DISC1: variants seen among roughly 807,000 people sequenced by gnomAD.
DISC1 encodes DISC1 scaffold protein.
DISC1 carries 57 observed loss-of-function variants against 84.5 expected under a neutral mutation model. The observed-to-expected ratio is 0.67, with a 90% CI of 0.55 to 0.84. The LOEUF (loss-of-function observed/expected upper bound fraction) is 0.84. Ranked by LOEUF, DISC1 falls within the 40% of genes least tolerant of loss-of-function variation. The pLI is 0.00. For synonymous variants in DISC1, 411 were observed against 415.2 expected (o/e 0.99, Z 0.12); for missense variants, 1,000 against 1,057.8 (o/e 0.95, Z 0.76).
At chr1:231,706,320 G>C (rs1489764921) in intron 3 of DISC1, among the ~76,000 whole-genome samples, 4 of 152,178 alleles carry the variant, frequency 2.6e-5, no homozygotes, top group Non-Finnish European at 5.9e-5. Context: ...GAGGAACTGT[G>C]GTCAGTACTG....
intron 1 of DISC1, among the ~76,000 whole-genome samples, chr1:231,651,934 G>C (rs1485739375): frequency 6.6e-6 from 1 of 152,244 alleles, no homozygotes; most frequent in South Asian, 2.1e-4. Flanking sequence ...TGTTTGCTAA[G>C]ACCATTGGAA....
intron 3 of DISC1, among the ~76,000 whole-genome samples, chr1:231,749,473 G>A (rs759512629): frequency 2.0e-5 from 3 of 152,104 alleles, no homozygotes; most frequent in Non-Finnish European, 4.4e-5. Context: ...TCATTTCTAT[G>A]GCTTTAGTAA....
chr1:231,814,985 A>G (rs1016184016), intron 8 of DISC1: 5 of 147,632 alleles, frequency 3.4e-5, no homozygotes, highest in African/African-American at 1.2e-4. Context: ...ATAATATAAG[A>G]TATAACCTGT....
intron 12 of DISC1, among the ~76,000 whole-genome samples, chr1:232,027,160 G>C (rs939642293): frequency 6.6e-6 from 1 of 152,206 alleles, no homozygotes; most frequent in Non-Finnish European, 1.5e-5. Flanking sequence ...ATCCAGCTCT[G>C]TGTGGCCCTG....
chr1:231,832,270 G>T (rs1414881919), intron 9 of DISC1, among the ~76,000 whole-genome samples: 1 of 151,970 alleles, frequency 6.6e-6, no homozygotes, highest in Non-Finnish European at 1.5e-5. Context: ...GCCTCTAAAA[G>T]TATTAAAGCA....
At chr1:231,671,145 G>A (rs992960428) in intron 1 of DISC1, among the ~76,000 whole-genome samples, 2 of 152,056 alleles carry the variant, frequency 1.3e-5, no homozygotes, top group African/African-American at 4.8e-5. Context: ...ACATCTTGGT[G>A]TTGGTCATAA....
intron 8 of DISC1, among the ~76,000 whole-genome samples, chr1:231,812,748 A>G (rs969148491): frequency 1.4e-4 from 21 of 152,158 alleles, no homozygotes; most frequent in African/African-American, 4.6e-4. Flanking sequence ...CAGATCTCTG[A>G]TGGGACTTTC....
chr1:231,973,660 T>G lies in DISC1; in HGVS notation c.2042+14772T>G, dbSNP rs1164143325. Among the ~76,000 whole-genome samples, 5 of 152,266 alleles carry G rather than the reference T, an allele frequency of 3.3e-5. No homozygotes were observed. The East Asian group carries it at 9.6e-4, about 29-fold the overall frequency. ...GTCCTGCATTCAGATCTGTATTCACTGTGTGATCACATGCATTTTTCCTAG... is the reference window on the plus strand; with the variant it reads ...GTCCTGCATTCAGATCTGTATTCACGGTGTGATCACATGCATTTTTCCTAG... On this transcript the variant is annotated intron_variant, in intron 10 of 12. Transcript: ENST00000439617.
chr1:231,855,522 T>C (rs961971575), intron 9 of DISC1: 9 of 726,322 alleles, frequency 1.2e-5, no homozygotes, highest in Non-Finnish European at 1.5e-5. Flanking sequence ...TTGAACTCTC[T>C]TCATGAAGTA....
Position 231,826,054 on chromosome 1 carries a change from C to G in DISC1, c.1981+7537C>G, listed in dbSNP as rs1406282555. On this transcript the variant is annotated intron_variant, in intron 9 of 12. Coordinates refer to ENST00000439617, the MANE Select transcript of DISC1 (RefSeq NM_018662.3). The surrounding 1 kb of genome is among the most constrained non-coding windows in gnomAD (Gnocchi z 4.2). ...TCTTTTTAGTAACAAAGACTTATCTCTTTCTTTTTGTTTCTCAAGCACTTG... is the reference window on the plus strand; with the variant it reads ...TCTTTTTAGTAACAAAGACTTATCTGTTTCTTTTTGTTTCTCAAGCACTTG... Among the ~76,000 whole-genome samples, 1 of 152,176 alleles carries G rather than the reference C, an allele frequency of 6.6e-6. No individual in the cohort carries two copies. The highest frequency in any genetic ancestry group is 1.5e-5 in the Non-Finnish European group (1 of 68,030).
intron 11 of DISC1, among the ~76,000 whole-genome samples, chr1:232,025,173 A>C (rs867837111): frequency 1.3e-5 from 2 of 152,306 alleles, no homozygotes; most frequent in Middle Eastern, 3.4e-3. Flanking sequence ...GAATGGTTGC[A>C]CTACAAGGTG....
chr1:231,964,806 T>C (rs1013673488), intron 10 of DISC1, among the ~76,000 whole-genome samples: 3 of 152,236 alleles, frequency 2.0e-5, no homozygotes, highest in Non-Finnish European at 2.9e-5. Flanking sequence ...TTGATTAACA[T>C]CTCAAGTTAT....
At chr1:231,713,813 T>G (rs867501432) in intron 3 of DISC1, among the ~76,000 whole-genome samples, 99 of 143,134 alleles carry the variant, frequency 6.9e-4, no homozygotes, top group South Asian at 4.4e-4. Context: ...ATATAGGAGA[T>G]ATATATATAG....
intron 9 of DISC1, among the ~76,000 whole-genome samples, chr1:231,853,936 G>T (rs1196857351): frequency 6.6e-6 from 1 of 152,184 alleles, no homozygotes; most frequent in East Asian, 1.9e-4. Context: ...ACCTCCTTTA[G>T]CAGCTAAACT....
At chr1:232,018,827 C>T (rs1003422335) in intron 11 of DISC1, among the ~76,000 whole-genome samples, 1 of 152,146 alleles carries the variant, frequency 6.6e-6, no homozygotes, top group Non-Finnish European at 1.5e-5. Context: ...GCCCCAGGAC[C>T]CCATGGCTGT....
intron 7 of DISC1, among the ~76,000 whole-genome samples, chr1:231,799,432 T>G (rs2079010314): frequency 1.3e-5 from 2 of 152,100 alleles, no homozygotes; most frequent in South Asian, 4.1e-4. Flanking sequence ...ATAGAGCTCG[T>G]ATCCCGGCAG....
At chr1:231,945,848 A>T (rs561058565) in intron 9 of DISC1, among the ~76,000 whole-genome samples, 1 of 152,354 alleles carries the variant, frequency 6.6e-6, no homozygotes, top group Non-Finnish European at 1.5e-5. Flanking sequence ...TATGCAAATG[A>T]ACTAGAAAAT....
At chr1:231,888,778 G>A (rs1188011810) in intron 9 of DISC1, among the ~76,000 whole-genome samples, 1 of 147,356 alleles carries the variant, frequency 6.8e-6, no homozygotes, top group East Asian at 2.0e-4. Context: ...CCACCCCAGT[G>A]CCCCCATCCA....
chr1:231,843,003 G>A (rs1230025377), intron 9 of DISC1, among the ~76,000 whole-genome samples: 3 of 152,202 alleles, frequency 2.0e-5, no homozygotes, highest in East Asian at 1.9e-4. Context: ...CTGGTTACAT[G>A]TGCTGAGCCT....
Sources: allele counts gnomAD v4.1 joint callset (sites outside exome capture counted in the v4.1 genomes callset), GRCh38; gene constraint gnomAD v4.1.1; non-coding constraint Gnocchi (gnomAD v3.1); transcripts MANE v1.5; gene names NCBI Gene and HGNC (gene_info 2026-07-23, HGNC 2026-07-21).